Variants in CACNA2D1 observed in about 807,000 individuals in gnomAD.
CACNA2D1 encodes voltage-dependent calcium channel subunit alpha-2/delta-1.
In CACNA2D1, 53 loss-of-function variants were observed where a neutral mutation model predicts 171.5. That is an observed-to-expected ratio of 0.31 (90% CI 0.25 to 0.39). CACNA2D1 has a LOEUF of 0.39. Ranked by LOEUF, CACNA2D1 falls within the 10% of genes least tolerant of loss-of-function variation. The pLI is 1.00. For missense variants in CACNA2D1, 903 were observed against 1,299.8 expected (o/e 0.69, Z 4.69); for synonymous variants, 442 against 443.1 (o/e 1.00, Z 0.03).
chr7:82,284,293 G>C (rs1008608736), intron 3 of CACNA2D1, among the ~76,000 whole-genome samples: 1 of 152,058 alleles, frequency 6.6e-6, no homozygotes, highest in Non-Finnish European at 1.5e-5. Context: ...ATAAATATGA[G>C]CATCACGTAT....
intron 10 of CACNA2D1, among the ~76,000 whole-genome samples, chr7:82,041,070 G>A (rs1279087433): frequency 1.3e-5 from 2 of 151,960 alleles, no homozygotes; most frequent in African/African-American, 4.8e-5. Flanking sequence ...GGGGAGGGCA[G>A]AACGAATGGA....
At chr7:82,037,433 C>A (rs1003774609) in intron 11 of CACNA2D1, among the ~76,000 whole-genome samples, 8 of 151,910 alleles carry the variant, frequency 5.3e-5, no homozygotes, top group African/African-American at 1.9e-4. Flanking sequence ...GAGCCAAGAT[C>A]GTGCCACTGC....
chr7:82,398,894 T>C (rs574155573), intron 1 of CACNA2D1, among the ~76,000 whole-genome samples: 56 of 152,186 alleles, frequency 3.7e-4, no homozygotes, highest in African/African-American at 1.3e-3. Context: ...CTCCCCTTTT[T>C]TTTTCCTTCC....
chr7:82,037,972 A>AAAACAGCACTATCT, intron 11 of CACNA2D1, 105 bp downstream of exon 11: 1 of 1,110,642 alleles, frequency 9.0e-7, no homozygotes, highest in Non-Finnish European at 1.4e-6. Flanking sequence ...AAATAAATGA[A>AAAACAGCACTATCT]AAACAGCACT....
chr7:82,356,941 CT>C (rs1820496194), intron 1 of CACNA2D1, among the ~76,000 whole-genome samples: 1 of 152,102 alleles, frequency 6.6e-6, no homozygotes, highest in South Asian at 2.1e-4. Context: ...ACAGAGTTGA[CT>C]GGCAGTACAA....
intron 10 of CACNA2D1, among the ~76,000 whole-genome samples, chr7:82,048,030 C>G (rs1804751503): frequency 6.6e-6 from 1 of 152,094 alleles, no homozygotes; most frequent in Admixed American, 6.6e-5. Context: ...AATTTCTCAT[C>G]TGTACACATC....
At chr7:82,044,238 T>TG (rs1257225144) in intron 10 of CACNA2D1, among the ~76,000 whole-genome samples, 1 of 152,174 alleles carries the variant, frequency 6.6e-6, no homozygotes, top group Non-Finnish European at 1.5e-5. Flanking sequence ...CGTTCTCCTA[T>TG]GTATGGATTC....
At chr7:82,365,659 ATC>A (rs1821609907) in intron 1 of CACNA2D1, among the ~76,000 whole-genome samples, 2 of 152,260 alleles carry the variant, frequency 1.3e-5, no homozygotes, top group African/African-American at 4.8e-5. Flanking sequence ...ATAATTGTGC[ATC>A]TCTACATTTT....
chr7:82,243,620 C>A (rs1804574298), intron 3 of CACNA2D1, among the ~76,000 whole-genome samples: 1 of 152,144 alleles, frequency 6.6e-6, no homozygotes, highest in Admixed American at 6.6e-5. Flanking sequence ...TTATTCCCCA[C>A]AACAAACCCA....
intron 12 of CACNA2D1, among the ~76,000 whole-genome samples, chr7:82,030,273 T>C (rs1318672043): frequency 6.6e-6 from 1 of 151,594 alleles, no homozygotes; most frequent in Non-Finnish European, 1.5e-5. Flanking sequence ...TTTGTGAAAA[T>C]AGTGGATGGA....
chr7:82,340,601 TTTTCA>T (rs1264995594), intron 2 of CACNA2D1, among the ~76,000 whole-genome samples: 4 of 152,194 alleles, frequency 2.6e-5, no homozygotes, highest in Non-Finnish European at 5.9e-5. Flanking sequence ...TAACTTTGCA[TTTTCA>T]TTTCATTTAT....
intron 3 of CACNA2D1, among the ~76,000 whole-genome samples, chr7:82,276,914 A>G (rs561927814): frequency 8.6e-5 from 13 of 151,286 alleles, no homozygotes; most frequent in Admixed American, 8.5e-4. Flanking sequence ...ATAACCAGCT[A>G]ATTTTTGTAT....
intron 24 of CACNA2D1, among the ~76,000 whole-genome samples, chr7:81,980,956 C>G (rs1479066181): frequency 6.6e-6 from 1 of 152,138 alleles, no homozygotes; most frequent in Non-Finnish European, 1.5e-5. Context: ...ATCTGAAGCA[C>G]ATTGAAGAGA....
intron 38 of CACNA2D1, among the ~76,000 whole-genome samples, chr7:81,955,208 G>A (rs1278269764): frequency 2.0e-5 from 3 of 151,876 alleles, no homozygotes; most frequent in African/African-American, 4.8e-5. Flanking sequence ...ATATCCTTCC[G>A]GACTCTACCG....
intron 6 of CACNA2D1, among the ~76,000 whole-genome samples, chr7:82,104,082 G>A (rs938259450): frequency 3.3e-5 from 5 of 151,978 alleles, no homozygotes; most frequent in East Asian, 1.9e-4. Flanking sequence ...TTAGAATACT[G>A]TAATATTTGT....
intron 3 of CACNA2D1, among the ~76,000 whole-genome samples, chr7:82,191,835 T>C (rs1221205532): frequency 6.6e-6 from 1 of 151,828 alleles, no homozygotes; most frequent in Non-Finnish European, 1.5e-5. Context: ...TATTAATGAA[T>C]ATATTTCAAA....
intron 3 of CACNA2D1, among the ~76,000 whole-genome samples, chr7:82,249,878 G>A (rs1805416622): frequency 1.3e-5 from 2 of 152,174 alleles, no homozygotes; most frequent in African/African-American, 2.4e-5. Context: ...GAGAAGGGGG[G>A]AAATAGGAAA....
chr7:82,349,060 C>T (rs908976354), intron 2 of CACNA2D1, among the ~76,000 whole-genome samples: 2 of 152,066 alleles, frequency 1.3e-5, no homozygotes, highest in Non-Finnish European at 2.9e-5. Context: ...ATAGAGTCTC[C>T]TTATCTTGCA....
intron 18 of CACNA2D1, among the ~76,000 whole-genome samples, chr7:81,999,093 G>A (rs1798334121): frequency 6.6e-6 from 1 of 152,088 alleles, no homozygotes; most frequent in Non-Finnish European, 1.5e-5. Context: ...AATGGATAAT[G>A]CATAGCATGA....
Sources: gnomAD v4.1 joint callset for allele counts (sites outside exome capture counted in the v4.1 genomes callset) on GRCh38, gnomAD v4.1.1 for gene constraint, MANE v1.5 for transcripts, NCBI Gene and HGNC (gene_info 2026-07-23, HGNC 2026-07-21) for gene names.